The following MMP16 variants were observed in gnomAD, a reference collection of about 807,000 sequenced individuals.
The protein encoded by MMP16 is matrix metallopeptidase 16.
A neutral mutation model predicts 67.8 loss-of-function variants in MMP16; 12 were observed. That is an observed-to-expected ratio of 0.18 (90% confidence interval 0.11 to 0.29). The LOEUF (loss-of-function observed/expected upper bound fraction) is 0.29, where lower values mean the gene tolerates loss of function less well. Among genes scored for constraint, MMP16 ranks in the 10% least tolerant of loss-of-function variants. The pLI is 1.00. For missense variants in MMP16, 475 were observed against 765.7 expected, an observed-to-expected ratio of 0.62 and a Z score of 4.48; for synonymous variants, 249 against 255.9, an observed-to-expected ratio of 0.97 and a Z score of 0.26.
intron 6 of MMP16, among the ~76,000 whole-genome samples, chr8:88,105,712 T>C (rs1809225860): frequency 6.6e-6 from 1 of 151,398 alleles, no homozygotes; most frequent in Admixed American, 6.6e-5. Context: ...AAGAGCCTAA[T>C]TCTAGAATAT....
intron 1 of MMP16, among the ~76,000 whole-genome samples, chr8:88,266,237 TA>T (rs1247130735): frequency 3.3e-5 from 5 of 152,182 alleles, no homozygotes; most frequent in Non-Finnish European, 4.4e-5. Flanking sequence ...GTAAATAGAC[TA>T]ATTTCCCTTC....
At chr8:88,086,382 T>C (rs979522824) in intron 6 of MMP16, among the ~76,000 whole-genome samples, 1 of 151,934 alleles carries the variant, frequency 6.6e-6, no homozygotes, top group African/African-American at 2.4e-5. Context: ...ATTAGCAAGG[T>C]GCTCTATTAA....
intron 5 of MMP16, among the ~76,000 whole-genome samples, chr8:88,117,110 G>A (rs1213528009): frequency 6.6e-6 from 1 of 152,068 alleles, no homozygotes; most frequent in African/African-American, 2.4e-5. Context: ...GTTAATCCTA[G>A]ATTTCGATAG....
At chr8:88,117,841 T>C (rs1809462732) in intron 5 of MMP16, among the ~76,000 whole-genome samples, 1 of 152,118 alleles carries the variant, frequency 6.6e-6, no homozygotes, top group African/African-American at 2.4e-5. Flanking sequence ...ATACTGGATA[T>C]TAACATACAG....
chr8:88,215,368 A>G (rs1335601270), intron 1 of MMP16, among the ~76,000 whole-genome samples: 1 of 151,668 alleles, frequency 6.6e-6, no homozygotes, highest in Non-Finnish European at 1.5e-5. Context: ...TTTTAATGCT[A>G]TTTATTTTCC....
chr8:88,258,309 A>C (rs1461692977), intron 1 of MMP16, among the ~76,000 whole-genome samples: 1 of 152,166 alleles, frequency 6.6e-6, no homozygotes, highest in South Asian at 2.1e-4. Flanking sequence ...CTAGTTCTGC[A>C]CTCAGGAGCC....
intron 4 of MMP16, among the ~76,000 whole-genome samples, chr8:88,119,132 A>C (rs571928598): frequency 6.6e-6 from 1 of 152,220 alleles, no homozygotes; most frequent in South Asian, 2.1e-4. Flanking sequence ...GAAGAGCAGC[A>C]GCATTGGAAA....
intron 1 of MMP16, among the ~76,000 whole-genome samples, chr8:88,269,458 G>A (rs1261129900): frequency 6.6e-6 from 1 of 152,146 alleles, no homozygotes; most frequent in Non-Finnish European, 1.5e-5. Flanking sequence ...ATGAATTAAG[G>A]AGACAAAAGA....
intron 3 of MMP16, among the ~76,000 whole-genome samples, chr8:88,174,257 G>T (rs1243086766): frequency 2.0e-5 from 3 of 152,070 alleles, no homozygotes. Flanking sequence ...GGCAATTTAG[G>T]TATCTGTCCC....
intron 1 of MMP16, among the ~76,000 whole-genome samples, chr8:88,295,073 T>A (rs1810991765): frequency 6.6e-6 from 1 of 152,210 alleles, no homozygotes; most frequent in Non-Finnish European, 1.5e-5. Flanking sequence ...TAACTCCTAT[T>A]TTCAAGGGAA....
At chr8:88,259,678 A>C (rs970313229) in intron 1 of MMP16, among the ~76,000 whole-genome samples, 1 of 152,196 alleles carries the variant, frequency 6.6e-6, no homozygotes, top group Non-Finnish European at 1.5e-5. Flanking sequence ...AACCATTAGG[A>C]CTATAACTAT....
At chr8:88,212,042 G>T in intron 1 of MMP16, among the ~76,000 whole-genome samples, 1 of 152,032 alleles carries the variant, frequency 6.6e-6, no homozygotes, top group East Asian at 1.9e-4. Context: ...CATCTCCAGT[G>T]TCCTGTATAT....
intron 1 of MMP16, among the ~76,000 whole-genome samples, chr8:88,274,162 A>G (rs909539115): frequency 1.8e-4 from 28 of 152,140 alleles, no homozygotes; most frequent in South Asian, 8.3e-4. Context: ...TTAAAGTGAG[A>G]CCAATCACTA....
intron 3 of MMP16, among the ~76,000 whole-genome samples, chr8:88,173,006 T>C (rs940100885): frequency 6.6e-6 from 1 of 152,212 alleles, no homozygotes; most frequent in African/African-American, 2.4e-5. Flanking sequence ...TTTCATCTAA[T>C]AACAATTTTA....
chr8:88,291,439 A>T (rs1586003033), intron 1 of MMP16, among the ~76,000 whole-genome samples: 1 of 152,230 alleles, frequency 6.6e-6, no homozygotes, highest in East Asian at 1.9e-4. Context: ...CAGAAACTGC[A>T]GGGAGCTATA....
intron 3 of MMP16, among the ~76,000 whole-genome samples, chr8:88,173,594 G>A (rs1053066363): frequency 6.6e-6 from 1 of 151,960 alleles, no homozygotes; most frequent in Non-Finnish European, 1.5e-5. Flanking sequence ...TACTACAAAA[G>A]GGAAAGCAGA....
At chr8:88,157,276 T>C (rs957537363) in intron 4 of MMP16, among the ~76,000 whole-genome samples, 2 of 152,090 alleles carry the variant, frequency 1.3e-5, no homozygotes, top group African/African-American at 4.8e-5. Context: ...ATAACCACTA[T>C]TTACATAGCA....
At chr8:88,296,629 T>C (rs1811016780) in intron 1 of MMP16, among the ~76,000 whole-genome samples, 1 of 151,390 alleles carries the variant, frequency 6.6e-6, no homozygotes, top group Non-Finnish European at 1.5e-5. Flanking sequence ...AGGCCAAGAG[T>C]TCGAAACCAG....
intron 1 of MMP16, among the ~76,000 whole-genome samples, chr8:88,284,269 C>T (rs1400690951): frequency 1.3e-5 from 2 of 152,130 alleles, no homozygotes; most frequent in Non-Finnish European, 2.9e-5. Context: ...ATGTAACAGT[C>T]ATACAATAGT....
Sources: gnomAD v4.1 joint callset for allele counts (sites outside exome capture counted in the v4.1 genomes callset) on GRCh38, gnomAD v4.1.1 for gene constraint, MANE v1.5 for transcripts, NCBI Gene and HGNC (gene_info 2026-07-23, HGNC 2026-07-21) for gene names.